ZNF124: variants seen among roughly 807,000 people sequenced by gnomAD.
The protein encoded by ZNF124 is zinc finger protein HZF-16.
ZNF124 carries 25 observed loss-of-function variants against 26.6 expected under a neutral mutation model. That is an observed-to-expected ratio of 0.94 (90% CI 0.68 to 1.31). The LOEUF (loss-of-function observed/expected upper bound fraction) is 1.31. Ranked by LOEUF, ZNF124 falls within the 40% of genes most tolerant of loss-of-function variation. The probability of loss-of-function intolerance (pLI) is 0.00; values close to 1 mark genes in which losing one functional copy is unlikely to be tolerated. For synonymous variants in ZNF124, 129 were observed against 133.3 expected (o/e 0.97, Z 0.22); for missense variants, 444 against 422.2 (o/e 1.05, Z -0.45).
intron 3 of ZNF124, among the ~76,000 whole-genome samples, chr1:247,133,635 C>G (rs1339361656): frequency 6.7e-6 from 1 of 149,778 alleles, no homozygotes; most frequent in African/African-American, 2.5e-5. Context: ...AGCCAATATT[C>G]AATCAATATT....
chr1:247,128,416 G>A (rs550595799), intron 3 of ZNF124, among the ~76,000 whole-genome samples: 6 of 148,594 alleles, frequency 4.0e-5, no homozygotes, highest in Admixed American at 3.4e-4. Flanking sequence ...GACCTAATGT[G>A]CCCACACTGG....
Position 247,155,826 on chromosome 1 carries a change from A to G in ZNF124, c.*740T>C. The G allele has an allele frequency of 4.5e-6, 3 of 673,474 alleles. No individual in the cohort carries two copies. The highest frequency in any genetic ancestry group is 3.7e-6 in the Non-Finnish European group (2 of 547,026). 41.7% of individuals were successfully genotyped at this position (673,474 alleles called of 1,614,324 possible). On this transcript the variant is annotated 3_prime_UTR_variant, in exon 4 of 4. Coordinates refer to ENST00000543802, the MANE Select transcript of ZNF124 (RefSeq NM_001297568.2). ...CAGTGAACTGAGATTGTGCCACTGC[A>G]CACCAGCCTGGGCGACAAAGTGAGA...
chr1:247,140,169 C>T (rs1251486908), intron 3 of ZNF124, among the ~76,000 whole-genome samples: 1 of 152,144 alleles, frequency 6.6e-6, no homozygotes, highest in African/African-American at 2.4e-5. Flanking sequence ...CCATATTGCT[C>T]AGAAGTTTTG....
downstream of ZNF124, among the ~76,000 whole-genome samples, chr1:247,150,822 CA>C (rs1474217983): frequency 5.9e-5 from 9 of 151,470 alleles, no homozygotes; most frequent in Non-Finnish European, 1.2e-4. Context: ...ATTTAAAAAA[CA>C]AAATCTCTGT....
intron 3 of ZNF124, chr1:247,138,786 A>G: frequency 2.5e-6 from 1 of 398,608 alleles, no homozygotes; most frequent in Non-Finnish European, 4.4e-6. Context: ...TGTAATTGGC[A>G]AATTGTTTAA....
At chr1:247,157,721 C>G (rs1673233425) in intron 3 of ZNF124, among the ~76,000 whole-genome samples, 1 of 152,112 alleles carries the variant, frequency 6.6e-6, no homozygotes, top group Admixed American at 6.5e-5. Context: ...ACATGGCTCC[C>G]TCCCCTATAG....
chr1:247,159,840 G>A (rs770151381), intron 1 of ZNF124, 27 bp from the exon 2 acceptor site: 7 of 1,595,482 alleles, frequency 4.4e-6, no homozygotes, highest in African/African-American at 1.4e-5. Flanking sequence ...TTTTGTAGAG[G>A]ATGGATGAGA....
chr1:247,167,765 G>A (rs1673865190), intron 1 of ZNF124, among the ~76,000 whole-genome samples: 1 of 152,128 alleles, frequency 6.6e-6, no homozygotes, highest in South Asian at 2.1e-4. Flanking sequence ...GAAATAATCA[G>A]CAGAGTAAAC....
chr1:247,170,184 AT>A (rs1221405533), intron 1 of ZNF124, among the ~76,000 whole-genome samples: 1 of 138,988 alleles, frequency 7.2e-6, no homozygotes, highest in African/African-American at 2.8e-5. Context: ...GGTACAAAGA[AT>A]TTTTTATAGT....
chr1:247,138,426 A>G (rs968206907), intron 3 of ZNF124: 7 of 209,386 alleles, frequency 3.3e-5, no homozygotes, highest in Admixed American at 7.1e-5. Context: ...TTGAGAACAC[A>G]TGGAAACAGA....
At chr1:247,152,968 C>T (rs12401877), downstream of ZNF124, among the ~76,000 whole-genome samples, 15,479 of 152,020 alleles carry the variant, frequency 0.1, 1,545 homozygotes, top group African/African-American at 0.25. Context: ...TCCAACTCTA[C>T]TAAAAATACA....
At chr1:247,141,203 C>CGGAG (rs1018451780) in intron 3 of ZNF124, among the ~76,000 whole-genome samples, 12 of 152,116 alleles carry the variant, frequency 7.9e-5, no homozygotes, top group African/African-American at 1.2e-4. Flanking sequence ...AACTGGTCTC[C>CGGAG]TCTCCTTGGG....
At chr1:247,164,100 C>G (rs1369759782) in intron 1 of ZNF124, among the ~76,000 whole-genome samples, 1 of 152,170 alleles carries the variant, frequency 6.6e-6, no homozygotes, top group Non-Finnish European at 1.5e-5. Flanking sequence ...AACATCCCTT[C>G]ATGTTAAAAA....
intron 3 of ZNF124, among the ~76,000 whole-genome samples, chr1:247,139,152 ATGT>A (rs1672562662): frequency 6.6e-6 from 1 of 152,208 alleles, no homozygotes; most frequent in Admixed American, 6.5e-5. Context: ...CCCTGGGCAC[ATGT>A]TGTCAGGACC....
At chr1:247,145,246 A>G (rs1464706028) in intron 3 of ZNF124, among the ~76,000 whole-genome samples, 3 of 152,210 alleles carry the variant, frequency 2.0e-5, no homozygotes, top group African/African-American at 7.2e-5. Flanking sequence ...AGGAGAAGGA[A>G]AAGATGGTAA....
chr1:247,147,891 A>G (rs966261324), intron 3 of ZNF124, among the ~76,000 whole-genome samples: 1 of 152,150 alleles, frequency 6.6e-6, no homozygotes, highest in Non-Finnish European at 1.5e-5. Context: ...CCCCACCTCC[A>G]TTGTTTTGTG....
Position 247,157,419 on chromosome 1 carries a change from T to G in ZNF124, c.219-16A>C. 6.4e-7 allele frequency: 1 copy of G among 1,550,746 alleles called. No homozygotes were observed. Among genetic ancestry groups the G allele is most frequent in the Non-Finnish European group, 8.7e-7 (1 of 1,145,968 alleles). ...TATGATGTGCCTATGAAGGGATGAA[T>G]GACGTATGAAGAATTTTTCACACAC... is the stretch of plus-strand genomic sequence containing the variant. On this transcript the variant is annotated splice_polypyrimidine_tract_variant and intron_variant, in intron 3 of 3. Coordinates refer to ENST00000543802, the MANE Select transcript of ZNF124 (RefSeq NM_001297568.2).
rs1673114169 is a variant in ZNF124, at chr1:247,156,067, GATTT to G, written c.*495_*498del. On this transcript the variant is annotated 3_prime_UTR_variant, in exon 4 of 4. Transcript: ENST00000543802. ...TTTTCCATAATATTTACATTTACAG[GATTT>G]ATTTCCAGTGGGAGTTTTCACATGA... 4.1e-6 allele frequency: 4 copies of G among 972,542 alleles called. No individual in the cohort carries two copies. Among genetic ancestry groups the G allele is most frequent in the Non-Finnish European group, 4.9e-6 (4 of 818,362 alleles). The allele number at this position is 972,542 out of a possible 1,614,324, so 60.2% of individuals were successfully genotyped here. A position where few individuals can be genotyped will look rare whatever the true frequency, so the allele number is the denominator to read the frequency against.
downstream of ZNF124, among the ~76,000 whole-genome samples, chr1:247,154,251 C>T (rs928803588): frequency 1.3e-5 from 2 of 152,162 alleles, no homozygotes; most frequent in African/African-American, 2.4e-5. Flanking sequence ...TTCCCCCGTG[C>T]TGTTCTCATG....
Sources: allele counts gnomAD v4.1 joint callset (sites outside exome capture counted in the v4.1 genomes callset), GRCh38; gene constraint gnomAD v4.1.1; transcripts MANE v1.5; gene names NCBI Gene and HGNC (gene_info 2026-07-23, HGNC 2026-07-21).